Variants in PTPRD observed in about 807,000 individuals in gnomAD.
PTPRD encodes receptor-type tyrosine-protein phosphatase delta.
In PTPRD, 34 loss-of-function variants were observed where a neutral mutation model predicts 214.5. The observed-to-expected ratio is 0.16, with a 90% CI of 0.12 to 0.21. The LOEUF (loss-of-function observed/expected upper bound fraction) is 0.21. Ranked by LOEUF, PTPRD falls within the 10% of genes least tolerant of loss-of-function variation. PTPRD has a pLI of 1.00. For synonymous variants in PTPRD, 1,128 were observed against 845.7 expected (o/e 1.33, Z -5.79); for missense variants, 2,545 against 2,398.7 (o/e 1.06, Z -1.27).
At chr9:10,423,800 G>C (rs1371728018) in intron 2 of PTPRD, among the ~76,000 whole-genome samples, 1 of 151,964 alleles carries the variant, frequency 6.6e-6, no homozygotes, top group Non-Finnish European at 1.5e-5. Flanking sequence ...TCCATGACGT[G>C]TATACAGACA....
At chr9:9,778,615 C>T (rs1243905181) in intron 5 of PTPRD, among the ~76,000 whole-genome samples, 2 of 152,120 alleles carry the variant, frequency 1.3e-5, no homozygotes, top group African/African-American at 4.8e-5. Context: ...CTGTCTGCCC[C>T]CTCCTAGGGG....
At chr9:10,388,621 C>T (rs553211889) in intron 2 of PTPRD, among the ~76,000 whole-genome samples, 1 of 151,638 alleles carries the variant, frequency 6.6e-6, no homozygotes, top group Non-Finnish European at 1.5e-5. Flanking sequence ...AAATAACATA[C>T]TATAATGACA....
chr9:10,246,241 T>C (rs1830605), intron 3 of PTPRD, among the ~76,000 whole-genome samples: 1 of 151,868 alleles, frequency 6.6e-6, no homozygotes, highest in Non-Finnish European at 1.5e-5. Context: ...CGATTGGCTA[T>C]TTTTGTTTTG....
chr9:9,939,675 G>GT (rs2153964728), intron 4 of PTPRD, among the ~76,000 whole-genome samples: 1 of 152,234 alleles, frequency 6.6e-6, no homozygotes, highest in East Asian at 1.9e-4. Context: ...AATGAATCAT[G>GT]TGGCTCCCTG....
At chr9:8,739,443 C>A (rs150995214) in intron 11 of PTPRD, among the ~76,000 whole-genome samples, 6 of 152,162 alleles carry the variant, frequency 3.9e-5, no homozygotes, top group Non-Finnish European at 8.8e-5. Context: ...GTAGCTAGTG[C>A]GACTGAGGAA....
chr9:9,422,964 A>T (rs1174815002), intron 8 of PTPRD, among the ~76,000 whole-genome samples: 1 of 152,152 alleles, frequency 6.6e-6, no homozygotes, highest in Non-Finnish European at 1.5e-5. Context: ...CCTGATAAAC[A>T]TGTCAGGCCC....
intron 3 of PTPRD, among the ~76,000 whole-genome samples, chr9:10,243,390 A>G (rs1222592770): frequency 6.6e-6 from 1 of 151,906 alleles, no homozygotes; most frequent in Non-Finnish European, 1.5e-5. Flanking sequence ...GTATTGCAAA[A>G]TTTCTTGCTG....
chr9:8,610,002 A>G (rs1229694118), intron 14 of PTPRD, among the ~76,000 whole-genome samples: 1 of 152,182 alleles, frequency 6.6e-6, no homozygotes, highest in Non-Finnish European at 1.5e-5. Context: ...GCTCCCTATT[A>G]GTAAAGTGGG....
chr9:8,809,998 A>C (rs2154522273), intron 11 of PTPRD, among the ~76,000 whole-genome samples: 1 of 152,314 alleles, frequency 6.6e-6, no homozygotes, highest in Middle Eastern at 3.4e-3. Flanking sequence ...GCTGTGTAGT[A>C]AGACAATGTG....
chr9:9,376,457 G>C (rs2060826965), intron 9 of PTPRD, among the ~76,000 whole-genome samples: 2 of 152,162 alleles, frequency 1.3e-5, no homozygotes, highest in African/African-American at 4.8e-5. Flanking sequence ...GAAATGTATT[G>C]ACCTACATAG....
chr9:9,916,401 C>G (rs1327248552), intron 5 of PTPRD, among the ~76,000 whole-genome samples: 1 of 151,802 alleles, frequency 6.6e-6, no homozygotes, highest in Admixed American at 6.6e-5. Context: ...TATAAAACAA[C>G]AAGAAATCAA....
intron 8 of PTPRD, among the ~76,000 whole-genome samples, chr9:9,480,086 A>G (rs1193721528): frequency 6.6e-6 from 1 of 152,192 alleles, no homozygotes; most frequent in Non-Finnish European, 1.5e-5. Flanking sequence ...CAAAAATGCC[A>G]TGAAAATACT....
intron 8 of PTPRD, among the ~76,000 whole-genome samples, chr9:9,565,967 G>A (rs981265066): frequency 6.6e-6 from 1 of 151,928 alleles, no homozygotes; most frequent in African/African-American, 2.4e-5. Context: ...CAGGCCAGAA[G>A]TGTCAGATGG....
chr9:8,711,851 T>C (rs1217857698), intron 12 of PTPRD, among the ~76,000 whole-genome samples: 1 of 152,212 alleles, frequency 6.6e-6, no homozygotes, highest in African/African-American at 2.4e-5. Context: ...AATAAAACTG[T>C]GATACGGATA....
At chr9:8,398,709 G>A (rs2091783133) in intron 36 of PTPRD, among the ~76,000 whole-genome samples, 2 of 152,148 alleles carry the variant, frequency 1.3e-5, no homozygotes, top group Admixed American at 6.6e-5. Context: ...TAAGGACACA[G>A]CATTCTTTCC....
At chr9:8,879,590 T>G (rs2098424728) in intron 11 of PTPRD, among the ~76,000 whole-genome samples, 1 of 152,292 alleles carries the variant, frequency 6.6e-6, no homozygotes, top group Non-Finnish European at 1.5e-5. Context: ...TAATGTCTAC[T>G]CCCTATCCCA....
intron 11 of PTPRD, among the ~76,000 whole-genome samples, chr9:8,818,905 G>C (rs1467091919): frequency 2.6e-5 from 4 of 152,166 alleles, no homozygotes; most frequent in South Asian, 2.1e-4. Context: ...CTCCCGAAGA[G>C]TTCCCCGGTA....
At chr9:9,613,877 A>T (rs1027343293) in intron 7 of PTPRD, among the ~76,000 whole-genome samples, 8 of 152,166 alleles carry the variant, frequency 5.3e-5, no homozygotes, top group Admixed American at 3.3e-4. Context: ...TTTAACCTAG[A>T]TTTAGAAACA....
intron 4 of PTPRD, among the ~76,000 whole-genome samples, chr9:9,979,375 A>T (rs1160133193): frequency 6.6e-6 from 1 of 152,098 alleles, no homozygotes; most frequent in African/African-American, 2.4e-5. Context: ...TTAAAATTTA[A>T]CAGTTAAGTG....
Sources: allele counts gnomAD v4.1 joint callset (sites outside exome capture counted in the v4.1 genomes callset), GRCh38; gene constraint gnomAD v4.1.1; transcripts MANE v1.5; gene names NCBI Gene and HGNC (gene_info 2026-07-23, HGNC 2026-07-21).